The following RANBP2 variants were observed in gnomAD, a reference collection of about 807,000 sequenced individuals.
RANBP2 encodes the protein E3 SUMO-protein ligase RanBP2.
RANBP2 carries 57 observed loss-of-function variants against 303.6 expected under a neutral mutation model. That is an observed-to-expected ratio of 0.19 (90% CI 0.15 to 0.23). The LOEUF (loss-of-function observed/expected upper bound fraction) is 0.23, where lower values mean the gene tolerates loss of function less well. RANBP2 is among the 10% of genes least tolerant of loss of function. The pLI is 1.00. For missense variants in RANBP2, 3,138 were observed against 3,780.8 expected, an observed-to-expected ratio of 0.83 and a Z score of 4.46; for synonymous variants, 1,167 against 1,301.5, an observed-to-expected ratio of 0.90 and a Z score of 2.23.
At chr2:109,647,922 G>A in the RANBP2 span, among the ~76,000 whole-genome samples, 2 of 152,226 alleles carry the variant, frequency 1.3e-5, no homozygotes, top group African/African-American at 4.8e-5. Context: ...GCCTCACTCA[G>A]TGCCCACTGA....
chr2:109,383,590 G>T, the RANBP2 span, among the ~76,000 whole-genome samples: 1 of 152,176 alleles, frequency 6.6e-6, no homozygotes, highest in Non-Finnish European at 1.5e-5. Context: ...TCCGGGAAAT[G>T]CCCAAACCGT....
chr2:109,129,492 G>A, the RANBP2 span: 1 of 1,494,624 alleles, frequency 6.7e-7, no homozygotes, highest in Non-Finnish European at 8.9e-7. Context: ...GCTCCACGCC[G>A]GCCCCGGGAC....
At chr2:109,416,767 G>A in the RANBP2 span, among the ~76,000 whole-genome samples, 54 of 152,130 alleles carry the variant, frequency 3.5e-4, no homozygotes, top group African/African-American at 1.1e-3. Flanking sequence ...TTAGCCGGGG[G>A]TGGTATTGTG....
At chr2:109,408,496 C>T in the RANBP2 span, among the ~76,000 whole-genome samples, 12 of 152,204 alleles carry the variant, frequency 7.9e-5, no homozygotes, top group Non-Finnish European at 1.2e-4. Flanking sequence ...GTTTGGGAGG[C>T]GAGAAAAACG....
chr2:109,031,073 G>GGA, the RANBP2 span, among the ~76,000 whole-genome samples: 1 of 152,186 alleles, frequency 6.6e-6, no homozygotes, highest in Non-Finnish European at 1.5e-5. Context: ...CGCCATGTGT[G>GGA]GAGATGCTGG....
At chr2:108,901,268 A>C in the RANBP2 span, among the ~76,000 whole-genome samples, 4 of 152,234 alleles carry the variant, frequency 2.6e-5, no homozygotes, top group African/African-American at 9.6e-5. Flanking sequence ...TCTCAAAGAC[A>C]ATTTAAAAAT....
At chr2:108,924,286 T>A in the RANBP2 span, among the ~76,000 whole-genome samples, 1 of 152,256 alleles carries the variant, frequency 6.6e-6, no homozygotes, top group Non-Finnish European at 1.5e-5. Context: ...CTGTGCTCCC[T>A]GCAGCCGTCC....
chr2:109,544,578 G>A, the RANBP2 span: 1 of 976,518 alleles, frequency 1.0e-6, no homozygotes, highest in Middle Eastern at 5.3e-4. Flanking sequence ...ATTTTTACAA[G>A]GTAAATGTAA....
the RANBP2 span, chr2:109,616,175 C>G: frequency 1.4e-6 from 2 of 1,391,652 alleles, no homozygotes; most frequent in South Asian, 3.9e-5. Context: ...TGCATTCTTA[C>G]TTGAGGGATC....
At chr2:109,566,349 G>GAC in the RANBP2 span, among the ~76,000 whole-genome samples, 2 of 151,966 alleles carry the variant, frequency 1.3e-5, no homozygotes, top group Non-Finnish European at 2.9e-5. Flanking sequence ...TCGAACTCCT[G>GAC]ACCTCAGGTG....
chr2:109,021,509 A>C, the RANBP2 span, among the ~76,000 whole-genome samples: 1 of 142,882 alleles, frequency 7.0e-6, no homozygotes, highest in East Asian at 2.1e-4. Flanking sequence ...GGCGACAGAG[A>C]GAGACTCCGT....
At chr2:109,615,408 C>T in the RANBP2 span, 2 of 1,613,104 alleles carry the variant, frequency 1.2e-6, no homozygotes, top group Non-Finnish European at 1.7e-6. Flanking sequence ...CACTTGCCTG[C>T]ACTGGGCCGC....
chr2:109,662,574 C>T, the RANBP2 span, among the ~76,000 whole-genome samples: 4 of 151,908 alleles, frequency 2.6e-5, no homozygotes, highest in African/African-American at 9.7e-5. Flanking sequence ...TTTTAGCCAC[C>T]ATGCCTGGCT....
At chr2:109,121,456 A>C in the RANBP2 span, among the ~76,000 whole-genome samples, 1 of 152,232 alleles carries the variant, frequency 6.6e-6, no homozygotes, top group African/African-American at 2.4e-5. Flanking sequence ...AACTGCTTTA[A>C]AAGGTTAAAC....
the RANBP2 span, among the ~76,000 whole-genome samples, chr2:109,424,570 T>G: frequency 6.6e-6 from 1 of 152,252 alleles, no homozygotes; most frequent in African/African-American, 2.4e-5. Context: ...TTCGAGTCTC[T>G]GTGTCACATT....
At chr2:109,239,465 A>G in the RANBP2 span, among the ~76,000 whole-genome samples, 238 of 152,338 alleles carry the variant, frequency 1.6e-3, no homozygotes, top group Non-Finnish European at 2.5e-3. Flanking sequence ...CCAATCAAGT[A>G]AAAGCTTTTT....
chr2:109,717,739 C>A, the RANBP2 span, among the ~76,000 whole-genome samples: 1 of 151,836 alleles, frequency 6.6e-6, no homozygotes, highest in Non-Finnish European at 1.5e-5. Context: ...CATGGTGAAA[C>A]CCCATCTCTA....
chr2:109,571,773 A>G, the RANBP2 span, among the ~76,000 whole-genome samples: 140 of 152,294 alleles, frequency 9.2e-4, 1 homozygote, highest in African/African-American at 3.2e-3. Context: ...AGTTGTTATA[A>G]GAGTTTGCAG....
chr2:109,226,611 C>T, the RANBP2 span, among the ~76,000 whole-genome samples: 33 of 152,126 alleles, frequency 2.2e-4, no homozygotes, highest in Admixed American at 4.6e-4. Context: ...CTTCTTGAAT[C>T]GCTCCCCTTT....
Sources: allele counts gnomAD v4.1 joint callset (sites outside exome capture counted in the v4.1 genomes callset), GRCh38; gene constraint gnomAD v4.1.1; transcripts MANE v1.5; gene names NCBI Gene and HGNC (gene_info 2026-07-23, HGNC 2026-07-21).